Variants in ALS2 observed in about 807,000 individuals in gnomAD.
The protein encoded by ALS2 is alsin.
In ALS2, 117 loss-of-function variants were observed where a neutral mutation model predicts 203.4. The ratio of observed to expected loss-of-function variants is 0.58; its 90% CI spans 0.50 to 0.67. ALS2 has a LOEUF of 0.67. ALS2 is among the 30% of genes least tolerant of loss of function. The pLI is 0.00. For missense variants in ALS2, 1,715 were observed against 1,989.4 expected, an observed-to-expected ratio of 0.86 and a Z score of 2.62; for synonymous variants, 718 against 725.9, an observed-to-expected ratio of 0.99 and a Z score of 0.17.
At chr2:201,732,851 C>T (rs1244539991) in intron 13 of ALS2, among the ~76,000 whole-genome samples, 1 of 152,170 alleles carries the variant, frequency 6.6e-6, no homozygotes, top group African/African-American at 2.4e-5. Flanking sequence ...GTAACCTAAA[C>T]ACCTGGCATA....
intron 12 of ALS2, among the ~76,000 whole-genome samples, chr2:201,737,678 T>G (rs922433805): frequency 1.2e-4 from 18 of 152,058 alleles, no homozygotes; most frequent in African/African-American, 4.3e-4. Flanking sequence ...TCCCGGCACT[T>G]TTGGAGGCCG....
intron 15 of ALS2, among the ~76,000 whole-genome samples, 167 bp from the exon 16 acceptor site, chr2:201,727,942 C>T (rs1184815741): frequency 3.9e-5 from 6 of 152,278 alleles, no homozygotes; most frequent in African/African-American, 1.4e-4. Flanking sequence ...GCCACATTGT[C>T]CCCATAACAC....
intron 4 of ALS2, chr2:201,759,851 T>C (rs1371181038): frequency 9.1e-6 from 9 of 985,272 alleles, no homozygotes; most frequent in Non-Finnish European, 9.6e-6. Flanking sequence ...TCTTTTGTTT[T>C]GTTTTCTTAC....
In ALS2 at chr2:201,744,367, G is replaced by A. The variant is rs912054306; in HGVS notation, c.2061C>T (p.Asn687=). The change falls in exon 10 of 34, where the codon AAC becomes AAT. Residue 687 remains asparagine, a synonymous_variant. Transcript: ENST00000264276. ...KDSYLALVDK[N]IMGYIASLHE... Reference sequence around the variant, plus strand: ...GGAGACTGGCAATATACCCCATAATGTTTTTATCCACCAAGGCTAAATAGC... The same window carrying A: ...GGAGACTGGCAATATACCCCATAATATTTTTATCCACCAAGGCTAAATAGC... The A allele has an allele frequency of 1.2e-6, 2 of 1,613,878 alleles. No homozygotes were observed. The highest frequency in any genetic ancestry group is 2.7e-5 in the African/African-American group (2 of 74,878).
intron 5 of ALS2, 100 bp from the exon 6 acceptor site, chr2:201,754,771 A>G: frequency 1.5e-6 from 2 of 1,318,132 alleles, no homozygotes; most frequent in Non-Finnish European, 1.1e-6. Flanking sequence ...ATACGCCACC[A>G]ATGGTATTTT....
At chr2:201,746,274 A>G (rs1465505973) in intron 9 of ALS2, among the ~76,000 whole-genome samples, 1 of 152,228 alleles carries the variant, frequency 6.6e-6, no homozygotes, top group Non-Finnish European at 1.5e-5. Context: ...AGTATGTACT[A>G]TGCTACAGCA....
At chr2:201,718,003 T>G in intron 24 of ALS2, 74 bp downstream of exon 24, 1 of 1,482,616 alleles carries the variant, frequency 6.7e-7, no homozygotes, top group Non-Finnish European at 9.3e-7. Flanking sequence ...TTTTAAAATA[T>G]TAACCAGCTT....
At chr2:201,721,537 T>C (rs1245599306) in intron 23 of ALS2, among the ~76,000 whole-genome samples, 3 of 152,132 alleles carry the variant, frequency 2.0e-5, no homozygotes, top group Admixed American at 1.3e-4. Context: ...CAAGATTCAA[T>C]GGGAAAAGGT....
intron 8 of ALS2, 45 bp from the exon 9 acceptor site, chr2:201,746,793 A>G: frequency 6.2e-7 from 1 of 1,608,944 alleles, no homozygotes; most frequent in Non-Finnish European, 8.5e-7. Context: ...AAAGGCAATC[A>G]GAGAGAACTT....
intron 1 of ALS2, among the ~76,000 whole-genome samples, chr2:201,773,960 C>G (rs1029316509): frequency 6.6e-5 from 10 of 152,172 alleles, no homozygotes; most frequent in African/African-American, 2.4e-4. Flanking sequence ...AACGGCTGAG[C>G]ATGGCCACAA....
At chr2:201,726,570 A>G in intron 18 of ALS2, 21 bp from the exon 19 acceptor site, 1 of 1,610,014 alleles carries the variant, frequency 6.2e-7, no homozygotes, top group Non-Finnish European at 8.5e-7. Flanking sequence ...TAAGCAAAGA[A>G]TAATGCATGT....
intron 9 of ALS2, among the ~76,000 whole-genome samples, chr2:201,745,620 A>G (rs540024022): frequency 6.6e-6 from 1 of 152,292 alleles, no homozygotes; most frequent in Non-Finnish European, 1.5e-5. Context: ...AAGCAGATCA[A>G]ATAAAAAGGG....
intron 1 of ALS2, among the ~76,000 whole-genome samples, chr2:201,769,730 C>T (rs1338031296): frequency 1.3e-5 from 2 of 152,136 alleles, no homozygotes; most frequent in Admixed American, 1.3e-4. Context: ...TACCAAAACA[C>T]AAGAAAACAA....
At chr2:201,719,531 G>A (rs1385564900) in intron 23 of ALS2, among the ~76,000 whole-genome samples, 1 of 152,184 alleles carries the variant, frequency 6.6e-6, no homozygotes, top group Non-Finnish European at 1.5e-5. Context: ...GGAGGTTGCA[G>A]TGAGCTGACA....
At chr2:201,721,434 A>G (rs934386126) in intron 23 of ALS2, among the ~76,000 whole-genome samples, 20 of 152,200 alleles carry the variant, frequency 1.3e-4, no homozygotes, top group Non-Finnish European at 2.4e-4. Context: ...AGTAATCTAG[A>G]TGGTGTGGTA....
chr2:201,745,148 C>T (rs1692548057), intron 9 of ALS2, among the ~76,000 whole-genome samples: 1 of 152,196 alleles, frequency 6.6e-6, no homozygotes, highest in Non-Finnish European at 1.5e-5. Context: ...TGAAATCATT[C>T]ATGGGGAATG....
rs1413173663 is a variant in ALS2, at chr2:201,700,859, G to C, written c.*992C>G. 1.3e-5 allele frequency: 2 copies of C among 152,306 alleles called. No individual in the cohort carries two copies. Among genetic ancestry groups the C allele is most frequent in the South Asian group, 4.1e-4 (2 of 4,828 alleles). 9.4% of individuals were successfully genotyped at this position (152,306 alleles called of 1,614,324 possible). On this transcript the variant is annotated 3_prime_UTR_variant, in exon 34 of 34. Coordinates refer to ENST00000264276, the MANE Select transcript of ALS2 (RefSeq NM_020919.4). ...TTAAAAAGCAAAACACTGAAATGTT[G>C]AGGTGCCACAATACTTTTGAGATGG...
At chr2:201,754,823 T>C (rs1419258211) in intron 5 of ALS2, 152 bp from the exon 6 acceptor site, 1 of 806,176 alleles carries the variant, frequency 1.2e-6, no homozygotes, top group Non-Finnish European at 1.9e-6. Flanking sequence ...AGGGGACCTG[T>C]TAGTCAAATG....
rs1692674753 is a variant in ALS2, at chr2:201,746,597, G to A, written c.1967C>T (p.Ser656Phe). 6.2e-7 allele frequency: 1 copy of A among 1,614,174 alleles called. No individual in the cohort carries two copies. The highest frequency in any genetic ancestry group is 8.5e-7 in the Non-Finnish European group (1 of 1,180,032). The part of the protein sequence containing the change: ...GDNLPENHSG[S>F]KTPVLLSCSK... Reference sequence around the variant, plus strand: ...ACAGGAGAGAAGTACTGGAGTCTTAGAACCACTGTGATTCTCTGGAAGGTT... The same window carrying A: ...ACAGGAGAGAAGTACTGGAGTCTTAAAACCACTGTGATTCTCTGGAAGGTT... The change falls in exon 9 of 34, where the codon TCT becomes TTT. Residue 656 changes from serine to phenylalanine, a missense_variant. Physicochemically the swap from Ser to Phe is radical, Grantham distance 155. Around this residue, in one of 3 missense-constraint regions of ALS2, gnomAD observed 1,227 missense variants for 1,413.5 expected, o/e 0.87. Transcript: ENST00000264276.
Sources: allele counts gnomAD v4.1 joint callset (sites outside exome capture counted in the v4.1 genomes callset), GRCh38; gene constraint gnomAD v4.1.1; regional missense constraint gnomAD v4.1.1; transcripts MANE v1.5; gene names NCBI Gene and HGNC (gene_info 2026-07-23, HGNC 2026-07-21).